The following ZBTB49 variants were observed in gnomAD, a reference collection of about 807,000 sequenced individuals.
ZBTB49 encodes zinc finger and BTB domain-containing protein 49.
Under a neutral mutation model 57.5 loss-of-function variants are expected in ZBTB49, and 43 were observed. That is an observed-to-expected ratio of 0.75 (90% confidence interval 0.59 to 0.97). ZBTB49 has a LOEUF of 0.97. Ranked by LOEUF, ZBTB49 falls within the 50% of genes least tolerant of loss-of-function variation. The probability of loss-of-function intolerance (pLI) is 0.00; values close to 1 mark genes in which losing one functional copy is unlikely to be tolerated. For missense variants in ZBTB49, 938 were observed against 947.7 expected, an observed-to-expected ratio of 0.99 and a Z score of 0.13; for synonymous variants, 369 against 362.1, an observed-to-expected ratio of 1.02 and a Z score of -0.22.
chr4:4,293,301 A>G (rs1320050257), intron 1 of ZBTB49, among the ~76,000 whole-genome samples: 8 of 152,236 alleles, frequency 5.3e-5, no homozygotes, highest in Non-Finnish European at 1.0e-4. Flanking sequence ...CTCTCACGCT[A>G]TAACACCTTG....
intron 1 of ZBTB49, among the ~76,000 whole-genome samples, chr4:4,299,415 A>G (rs747862225): frequency 1.3e-5 from 2 of 151,294 alleles, no homozygotes; most frequent in Non-Finnish European, 2.9e-5. Flanking sequence ...CCCGACTTCT[A>G]ATTCAGTGAC....
At chr4:4,301,582 A>G (rs1720473802) in intron 2 of ZBTB49, among the ~76,000 whole-genome samples, 1 of 152,090 alleles carries the variant, frequency 6.6e-6, no homozygotes, top group Admixed American at 6.6e-5. Flanking sequence ...TGTGTACTCT[A>G]TTAGTATGTA....
At position 4,320,738 on chromosome 4, in the gene ZBTB49, C is replaced by T. The variant is rs777886810; in HGVS notation, c.1720C>T (p.Arg574Cys). ...TCEICNKCFT[R>C]SAVLRRHKKM... ...TGAGATCTGTAACAAGTGCTTTACC[C>T]GCTCTGCGGTGCTCCGGCGGCACAA... The change falls in exon 8 of 8, where the codon CGC (arginine) becomes TGC (cysteine). Residue 574 changes from arginine (R) to cysteine (C), a missense_variant. Coordinates refer to ENST00000337872, the MANE Select transcript of ZBTB49 (RefSeq NM_145291.4). 5 of 1,614,198 alleles carry T rather than the reference C, an allele frequency of 3.1e-6. No individual in the cohort carries two copies. Among genetic ancestry groups the T allele is most frequent in the East Asian group, 2.2e-5 (1 of 44,880 alleles).
chr4:4,307,416 C>CT (rs765621108), intron 4 of ZBTB49, among the ~76,000 whole-genome samples: 23 of 152,238 alleles, frequency 1.5e-4, no homozygotes, highest in Non-Finnish European at 2.2e-4. Context: ...AGCTCTGCCT[C>CT]TGTCAGGGCG....
At chr4:4,320,543 G>A in intron 7 of ZBTB49, 97 bp from the exon 8 acceptor site, 5 of 1,484,820 alleles carry the variant, frequency 3.4e-6, no homozygotes, top group Non-Finnish European at 4.6e-6. Context: ...GAGAGGCTGA[G>A]GAAGAAGGAT....
At chr4:4,299,776 G>GATGTGT in intron 1 of ZBTB49, among the ~76,000 whole-genome samples, 151 bp from the exon 2 acceptor site, 1 of 103,740 alleles carries the variant, frequency 9.6e-6, no homozygotes, top group East Asian at 2.8e-4. Context: ...CAGAAACAGA[G>GATGTGT]GTGTGTGTGT....
chr4:4,321,418 GC>G lies in ZBTB49; in HGVS notation c.*104del. The G allele has an allele frequency of 8.3e-7, 1 of 1,206,584 alleles. No homozygotes were observed. The highest frequency in any genetic ancestry group is 1.2e-6 in the Non-Finnish European group (1 of 858,160). 74.7% of individuals were successfully genotyped at this position (1,206,584 alleles called of 1,614,324 possible). A position where few individuals can be genotyped will look rare whatever the true frequency, so the allele number is the denominator to read the frequency against. On this transcript the variant is annotated 3_prime_UTR_variant, in exon 8 of 8. Transcript: ENST00000337872. Reference sequence around the variant, plus strand: ...TCCCCATGACAGTGCCTTCTAACTAGCCAGAGAATAGGTAGCTTCCCTCCTG... The same window carrying G: ...TCCCCATGACAGTGCCTTCTAACTAGCAGAGAATAGGTAGCTTCCCTCCTG...
At chr4:4,298,640 G>C (rs1720329941) in intron 1 of ZBTB49, among the ~76,000 whole-genome samples, 1 of 152,086 alleles carries the variant, frequency 6.6e-6, no homozygotes, top group Admixed American at 6.6e-5. Flanking sequence ...TGTGTTGCCA[G>C]ACTGATCTCG....
chr4:4,302,227 A>AAT lies in ZBTB49; in HGVS notation c.393_394dup (p.Ser132IlefsTer10). ...AGTACAGCCACCTGGCATGCCTTGTAATAGTACATTGTCTCTACAAAGCAC... is the reference window on the plus strand; with the variant it reads ...AGTACAGCCACCTGGCATGCCTTGTAATATAGTACATTGTCTCTACAAAGCAC... On this transcript the variant is annotated frameshift_variant, in exon 3 of 8. Coordinates refer to ENST00000337872, the MANE Select transcript of ZBTB49 (RefSeq NM_145291.4). LOFTEE classifies it high-confidence loss of function. 6.2e-7 allele frequency: 1 copy of AAT among 1,614,266 alleles called. No homozygotes were observed. The highest frequency in any genetic ancestry group is 8.5e-7 in the Non-Finnish European group (1 of 1,180,042).
chr4:4,306,208 T>A (rs768439417), intron 4 of ZBTB49, 24 bp downstream of exon 4: 1 of 1,597,856 alleles, frequency 6.3e-7, no homozygotes, highest in Non-Finnish European at 8.6e-7. Context: ...TATTTATTGT[T>A]AATAATTGGA....
chr4:4,292,050 A>G (rs1226965821), intron 1 of ZBTB49, among the ~76,000 whole-genome samples: 3 of 152,168 alleles, frequency 2.0e-5, no homozygotes, highest in African/African-American at 7.2e-5. Flanking sequence ...AGGCGAGTGG[A>G]TCATTTGAGG....
At position 4,306,195 on chromosome 4, in the gene ZBTB49, T is replaced by A. The variant is rs1720727354; in HGVS notation, c.1302+11T>A. ...AAACATTTCTCTCAGGTGGGAATACTCTTATTTATTGTTAATAATTGGAAA... is the reference window on the plus strand; with the variant it reads ...AAACATTTCTCTCAGGTGGGAATACACTTATTTATTGTTAATAATTGGAAA... On this transcript the variant is annotated intron_variant, in intron 4 of 7. Coordinates refer to ENST00000337872, the MANE Select transcript of ZBTB49 (RefSeq NM_145291.4). 1.9e-6 allele frequency: 3 copies of A among 1,609,354 alleles called. No individual in the cohort carries two copies. Among genetic ancestry groups the A allele is most frequent in the African/African-American group, 1.3e-5 (1 of 74,806 alleles).
chr4:4,303,177 G>T, intron 3 of ZBTB49, 86 bp downstream of exon 3: 1 of 1,416,012 alleles, frequency 7.1e-7, no homozygotes, highest in South Asian at 1.8e-5. Flanking sequence ...TTTGTAAGAA[G>T]TTTTGCTGTT....
chr4:4,302,539 A>C lies in ZBTB49; in HGVS notation c.703A>C (p.Arg235=). The C allele has an allele frequency of 6.2e-7, 1 of 1,614,008 alleles. No homozygotes were observed. Residue 235 remains arginine (R), a synonymous_variant, in exon 3 of 8, where the codon AGA becomes CGA. Transcript: ENST00000337872. The part of the protein sequence containing the change: ...HKHAAGPSQE[R]VVEQPFAFST... ...ACACGCAGCTGGTCCCAGTCAGGAG[A>C]GAGTTGTTGAGCAGCCTTTTGCTTT...
intron 1 of ZBTB49, among the ~76,000 whole-genome samples, chr4:4,295,459 G>C (rs1577229077): frequency 6.6e-6 from 1 of 152,176 alleles, no homozygotes; most frequent in African/African-American, 2.4e-5. Flanking sequence ...ATTTGGATGA[G>C]AACACAGAGC....
chr4:4,297,313 C>A (rs986187401), intron 1 of ZBTB49, among the ~76,000 whole-genome samples: 12 of 152,182 alleles, frequency 7.9e-5, no homozygotes, highest in Admixed American at 3.3e-4. Context: ...CAGGTGATCC[C>A]CCCACCTCAG....
chr4:4,311,013 G>C lies in ZBTB49; in HGVS notation c.1303-2028G>C, dbSNP rs553501461. On this transcript the variant is annotated intron_variant, in intron 4 of 7. Transcript: ENST00000337872. ...ATCTGAATGTACTATTGGATTTTTT[G>C]CATGGCCCATTCCATTAGTTTTATT... Among the ~76,000 whole-genome samples the C allele has an allele frequency of 1.2e-4, 19 of 152,196 alleles. No individual in the cohort carries two copies. The South Asian group carries it at 3.7e-3, about 30-fold the overall frequency.
At chr4:4,295,841 A>C (rs1720172286) in intron 1 of ZBTB49, among the ~76,000 whole-genome samples, 1 of 152,208 alleles carries the variant, frequency 6.6e-6, no homozygotes, top group Admixed American at 6.5e-5. Context: ...GGGAATCAGA[A>C]TAAGGTCTCG....
At chr4:4,309,549 A>G (rs935162257) in intron 4 of ZBTB49, among the ~76,000 whole-genome samples, 2 of 152,220 alleles carry the variant, frequency 1.3e-5, no homozygotes, top group Non-Finnish European at 2.9e-5. Context: ...TGTTCCTCCA[A>G]GTAGGCAGAA....
Sources: allele counts gnomAD v4.1 joint callset (sites outside exome capture counted in the v4.1 genomes callset), GRCh38; gene constraint gnomAD v4.1.1; transcripts MANE v1.5; gene names NCBI Gene and HGNC (gene_info 2026-07-23, HGNC 2026-07-21).